SHISA5: variants seen among roughly 807,000 people sequenced by gnomAD.
SHISA5 encodes the protein protein shisa-5.
SHISA5 carries 21 observed loss-of-function variants against 27.5 expected under a neutral mutation model. The ratio of observed to expected loss-of-function variants is 0.76; its 90% CI spans 0.54 to 1.10. SHISA5 has a LOEUF of 1.10. SHISA5 is among the 50% of genes least tolerant of loss of function. SHISA5 has a pLI of 0.00. For synonymous variants in SHISA5, 137 were observed against 142.2 expected, an observed-to-expected ratio of 0.96 and a Z score of 0.26; for missense variants, 314 against 336.3, an observed-to-expected ratio of 0.93 and a Z score of 0.52.
At position 48,469,365 on chromosome 3, in the gene SHISA5, C is replaced by A. The variant is rs2040504697; in HGVS notation, c.639G>T (p.Leu213=). ...PMGPPAYHET[L]AGGAAAPYPA... The stretch of plus-strand genomic sequence containing the variant: ...AGAGTTGGCAGGGGCACTCACCAGC[C>A]AGGGTCTCGTGGTAGGCCGGTGGGC... The change falls in exon 5 of 6, where the codon CTG becomes CTT. Residue 213 remains leucine, a synonymous_variant. Transcript: ENST00000296444. The surrounding 1 kb of genome is among the most constrained non-coding windows in gnomAD (Gnocchi z 4.6). The A allele has an allele frequency of 6.3e-7, 1 of 1,583,868 alleles. No individual in the cohort carries two copies.
intron 2 of SHISA5, among the ~76,000 whole-genome samples, chr3:48,500,525 AGAG>A (rs1311655339): frequency 1.3e-5 from 2 of 152,124 alleles, no homozygotes; most frequent in Non-Finnish European, 2.9e-5. Flanking sequence ...TGCCATGAGC[AGAG>A]GAGTATGACC....
intron 1 of SHISA5, 69 bp from the exon 2 acceptor site, chr3:48,501,362 C>A: frequency 6.5e-7 from 1 of 1,541,134 alleles, no homozygotes; most frequent in South Asian, 1.2e-5. Flanking sequence ...AGCGCCCTCC[C>A]TGGCACAGCC....
chr3:48,484,807 C>T (rs1419031164), intron 2 of SHISA5, among the ~76,000 whole-genome samples: 1 of 151,628 alleles, frequency 6.6e-6, no homozygotes, highest in Non-Finnish European at 1.5e-5. Context: ...GCAGGAGAAT[C>T]GCTTGAACCC....
chr3:48,496,820 T>G (rs1258850545), intron 2 of SHISA5, among the ~76,000 whole-genome samples: 2 of 150,494 alleles, frequency 1.3e-5, no homozygotes, highest in Non-Finnish European at 3.0e-5. Context: ...ATATAAGACT[T>G]TGAAATAGAA....
At chr3:48,479,395 TG>T in intron 2 of SHISA5, 138 bp from the exon 3 acceptor site, 1 of 708,770 alleles carries the variant, frequency 1.4e-6, no homozygotes, top group South Asian at 1.7e-5. Context: ...AGGTGGACTC[TG>T]CCCACACCGG....
Position 48,473,476 on chromosome 3 carries a change from T to C in SHISA5, c.315-3633A>G, listed in dbSNP as rs770461398. 33 of 1,292,322 alleles carry C rather than the reference T, an allele frequency of 2.6e-5. No homozygotes were observed. The South Asian group carries it at 3.6e-4, about 14-fold the overall frequency. The allele number at this position is 1,292,322 out of a possible 1,614,324, so 80.1% of individuals were successfully genotyped here. A position where few individuals can be genotyped will look rare whatever the true frequency, so the allele number is the denominator to read the frequency against. ...CCTCCAGGAGGAGCTTCTGCATCCA[T>C]CTAGGCCCAGAGGGCGACCCTGGGG... On this transcript the variant is annotated intron_variant, in intron 3 of 5. Coordinates refer to ENST00000296444, the MANE Select transcript of SHISA5 (RefSeq NM_016479.6). This position sits in a 1 kb window ranked among gnomAD's most constrained non-coding sequence, Gnocchi z 4.3.
chr3:48,486,202 C>A (rs1373738156), intron 2 of SHISA5, among the ~76,000 whole-genome samples: 1 of 52,134 alleles, frequency 1.9e-5, no homozygotes, highest in African/African-American at 7.4e-5. Flanking sequence ...TAGAAAACAG[C>A]AGAAAAAACT....
intron 3 of SHISA5, among the ~76,000 whole-genome samples, chr3:48,475,426 GGGGA>G (rs1238518305): frequency 3.9e-5 from 6 of 152,170 alleles, no homozygotes; most frequent in Non-Finnish European, 7.3e-5. Flanking sequence ...TGTAGGGTCT[GGGGA>G]GAACTCGGCG....
chr3:48,482,154 G>T (rs559341582), intron 2 of SHISA5, among the ~76,000 whole-genome samples: 6 of 148,852 alleles, frequency 4.0e-5, no homozygotes, highest in Non-Finnish European at 8.9e-5. Flanking sequence ...AATTAATAAA[G>T]GTAAGTGCAA....
chr3:48,503,066 T>A, intron 1 of SHISA5: 1 of 1,278,354 alleles, frequency 7.8e-7, no homozygotes, highest in South Asian at 1.2e-5. Context: ...ATTGGACCAT[T>A]GACAAGCCCA....
chr3:48,488,401 G>T (rs904863176), intron 2 of SHISA5, among the ~76,000 whole-genome samples: 2 of 151,338 alleles, frequency 1.3e-5, no homozygotes, highest in African/African-American at 4.8e-5. Context: ...CTAACTTTTT[G>T]TATTTTTAGT....
Position 48,468,999 on chromosome 3 carries a change from C to A in SHISA5, c.*108G>T. 6.3e-7 allele frequency: 1 copy of A among 1,577,058 alleles called. No individual in the cohort carries two copies. The highest frequency in any genetic ancestry group is 1.1e-5 in the South Asian group (1 of 90,680). On this transcript the variant is annotated 3_prime_UTR_variant, in exon 6 of 6. Coordinates refer to ENST00000296444, the MANE Select transcript of SHISA5 (RefSeq NM_016479.6). The stretch of plus-strand genomic sequence containing the variant: ...ACAGCACACATGGGGCGTAAGGAAC[C>A]GTGCCTGGACACACACAGCACACAT...
In SHISA5 at chr3:48,468,875, G is replaced by A; in HGVS notation, c.*232C>T. On this transcript the variant is annotated 3_prime_UTR_variant, in exon 6 of 6. Transcript: ENST00000296444. ...GAGATTTTAGGAAGCATAATTTCAG[G>A]TGAGGAAGAGAACAAAGTCTGGTCC... The A allele has an allele frequency of 6.5e-7, 1 of 1,529,694 alleles. No individual in the cohort carries two copies. The highest frequency in any genetic ancestry group is 8.7e-7 in the Non-Finnish European group (1 of 1,142,966). The allele number at this position is 1,529,694 out of a possible 1,614,324, so 94.8% of individuals were successfully genotyped here. A position where few individuals can be genotyped will look rare whatever the true frequency, so the allele number is the denominator to read the frequency against.
chr3:48,472,280 G>C (rs1026260043), intron 3 of SHISA5, among the ~76,000 whole-genome samples: 2 of 152,040 alleles, frequency 1.3e-5, no homozygotes, highest in East Asian at 1.9e-4. Flanking sequence ...CTGAGGTCAG[G>C]AATTTGAGAC....
upstream of SHISA5, chr3:48,504,286 A>C (rs1314751276): frequency 1.4e-4 from 53 of 367,672 alleles, no homozygotes. The surrounding 1 kb of genome is among the most constrained non-coding windows in gnomAD (Gnocchi z 4.0). Flanking sequence ...AGGAAGGTGG[A>C]AGGAGGAGGA....
At chr3:48,496,879 A>G (rs569918749) in intron 2 of SHISA5, among the ~76,000 whole-genome samples, 8 of 152,314 alleles carry the variant, frequency 5.3e-5, no homozygotes, top group African/African-American at 1.9e-4. Context: ...AAAACTAAAT[A>G]CAAGAGCAGA....
At chr3:48,481,108 GAATA>G (rs567323998) in intron 2 of SHISA5, among the ~76,000 whole-genome samples, 134 of 151,362 alleles carry the variant, frequency 8.9e-4, no homozygotes, top group Admixed American at 4.0e-3. Flanking sequence ...AAAATAATAA[GAATA>G]AATAAATAAA....
intron 2 of SHISA5, among the ~76,000 whole-genome samples, chr3:48,485,514 T>TA (rs1491529039): frequency 1.6e-5 from 2 of 121,388 alleles, no homozygotes; most frequent in African/African-American, 8.0e-5. Flanking sequence ...AAAATATATA[T>TA]TTTTATATAT....
intron 2 of SHISA5, among the ~76,000 whole-genome samples, chr3:48,497,897 AAAG>A (rs2041606537): frequency 6.6e-6 from 1 of 151,880 alleles, no homozygotes; most frequent in Non-Finnish European, 1.5e-5. Context: ...CAAAAAAAAA[AAAG>A]AAGAGAGAGA....
Sources: allele counts gnomAD v4.1 joint callset (sites outside exome capture counted in the v4.1 genomes callset), GRCh38; gene constraint gnomAD v4.1.1; non-coding constraint Gnocchi (gnomAD v3.1); transcripts MANE v1.5; gene names NCBI Gene and HGNC (gene_info 2026-07-23, HGNC 2026-07-21).